The following CAPN2 variants were observed in gnomAD, a reference collection of about 807,000 sequenced individuals.
The protein encoded by CAPN2 is calpain 2, also known as calpain-2 catalytic subunit.
In CAPN2, 92 loss-of-function variants were observed where a neutral mutation model predicts 102.3. The observed-to-expected ratio is 0.90, with a 90% CI of 0.76 to 1.07. The LOEUF (loss-of-function observed/expected upper bound fraction) is 1.07. Ranked by LOEUF, CAPN2 falls within the 50% of genes least tolerant of loss-of-function variation. The pLI is 0.00. For synonymous variants in CAPN2, 340 were observed against 355.4 expected (o/e 0.96, Z 0.49); for missense variants, 800 against 909.4 (o/e 0.88, Z 1.55).
chr1:223,735,547 T>C (rs12239678), intron 2 of CAPN2, among the ~76,000 whole-genome samples: 2,400 of 151,176 alleles, frequency 0.016, 71 homozygotes, highest in African/African-American at 0.055. Flanking sequence ...AAAAAAAAAT[T>C]TGTGGTCTTC....
chr1:223,738,804 G>A (rs1467523929), intron 2 of CAPN2, among the ~76,000 whole-genome samples: 1 of 152,284 alleles, frequency 6.6e-6, no homozygotes, highest in East Asian at 1.9e-4. Context: ...GGGGACAATT[G>A]TCAGATTCTA....
chr1:223,760,732 C>T (rs913884959), intron 12 of CAPN2, among the ~76,000 whole-genome samples: 5 of 152,200 alleles, frequency 3.3e-5, no homozygotes, highest in African/African-American at 1.2e-4. Flanking sequence ...AACCCCTCAA[C>T]TCTCTCTAGG....
chr1:223,708,460 A>G (rs1438606506), upstream of CAPN2, among the ~76,000 whole-genome samples: 1 of 151,436 alleles, frequency 6.6e-6, no homozygotes, highest in Non-Finnish European at 1.5e-5. Flanking sequence ...ATAAAGGGAC[A>G]CTTCAATAGA....
Position 223,737,717 on chromosome 1 carries a change from G to T in CAPN2, c.308-6383G>T, listed in dbSNP as rs994067699. ...CCAAAAGAGACGGGGCGGGGGGTGG[G>T]GGGGAGAGAATACAATAACACCATG... On this transcript the variant is annotated intron_variant, in intron 2 of 20. Coordinates refer to ENST00000295006, the MANE Select transcript of CAPN2 (RefSeq NM_001748.5). Among the ~76,000 whole-genome samples the T allele has an allele frequency of 3.9e-4, 12 of 30,458 alleles. 2 individuals are homozygous for T. Among genetic ancestry groups the T allele is most frequent in the Admixed American group, 1.6e-3 (5 of 3,084 alleles). 20.0% of individuals were successfully genotyped at this position (30,458 alleles called of 152,430 possible). A position where few individuals can be genotyped will look rare whatever the true frequency, so the allele number is the denominator to read the frequency against.
Position 223,726,327 on chromosome 1 carries a change from G to C in CAPN2, c.307+8496G>C, listed in dbSNP as rs1029643250. Reference sequence around the variant, plus strand: ...AAGAGGGTGGGTTTGCCTGCGCCTGGGGGGAGGGCAGCCATCAGGAAGGAG... The same window carrying C: ...AAGAGGGTGGGTTTGCCTGCGCCTGCGGGGAGGGCAGCCATCAGGAAGGAG... On this transcript the variant is annotated intron_variant, in intron 2 of 20. Transcript: ENST00000295006. This position sits in a 1 kb window ranked among gnomAD's most constrained non-coding sequence, Gnocchi z 4.4. Among the ~76,000 whole-genome samples, 3 of 152,146 alleles carry C rather than the reference G, an allele frequency of 2.0e-5. No homozygotes were observed. Among genetic ancestry groups the C allele is most frequent in the African/African-American group, 4.8e-5 (2 of 41,406 alleles).
chr1:223,753,146 CTT>C (rs28370084), intron 9 of CAPN2, among the ~76,000 whole-genome samples, 190 bp downstream of exon 9: 13,704 of 151,056 alleles, frequency 0.091, 1,507 homozygotes, highest in African/African-American at 0.26. Flanking sequence ...CCCGAGCTCT[CTT>C]TCTCAATCCC....
At position 223,775,606 on chromosome 1, in the gene CAPN2, A is replaced by G. The variant is rs1661599236; in HGVS notation, c.*749A>G. The G allele has an allele frequency of 6.6e-6, 1 of 152,666 alleles. No homozygotes were observed. The highest frequency in any genetic ancestry group is 2.4e-5 in the African/African-American group (1 of 41,458). The allele number at this position is 152,666 out of a possible 1,614,324, so 9.5% of individuals were successfully genotyped here. ...GCATCCAATTTGTAAACCAATTATGATAAAGGACAAAATAAGCTGTTTGCC... is the reference window on the plus strand; with the variant it reads ...GCATCCAATTTGTAAACCAATTATGGTAAAGGACAAAATAAGCTGTTTGCC... On this transcript the variant is annotated 3_prime_UTR_variant, in exon 21 of 21. Transcript: ENST00000295006.
chr1:223,752,090 T>C lies in CAPN2; in HGVS notation c.974+19T>C. ...AATTCTGGTAAGATTAGTGGAGGCT[T>C]CAGGGAAAGCTCTGTCTGCCCCAAT... On this transcript the variant is annotated intron_variant, in intron 8 of 20. Coordinates refer to ENST00000295006, the MANE Select transcript of CAPN2 (RefSeq NM_001748.5). 1 of 1,564,420 alleles carries C rather than the reference T, an allele frequency of 6.4e-7. No homozygotes were observed. Among genetic ancestry groups the C allele is most frequent in the Non-Finnish European group, 8.8e-7 (1 of 1,136,614 alleles).
chr1:223,743,585 G>A (rs1660678293), intron 2 of CAPN2, among the ~76,000 whole-genome samples: 1 of 152,102 alleles, frequency 6.6e-6, no homozygotes, highest in Non-Finnish European at 1.5e-5. Context: ...TTGAAATCCT[G>A]GGCTCAAGGG....
At chr1:223,758,022 G>C (rs1661083565) in intron 11 of CAPN2, 1 of 152,174 alleles carries the variant, frequency 6.6e-6, no homozygotes, top group Admixed American at 6.5e-5. Flanking sequence ...CAGGATGCCA[G>C]GCCAATTTTT....
chr1:223,772,212 TG>T lies in CAPN2; in HGVS notation c.2054del (p.Gly685GlufsTer3). 6.2e-7 allele frequency: 1 copy of T among 1,614,186 alleles called. No homozygotes were observed. The highest frequency in any genetic ancestry group is 8.5e-7 in the Non-Finnish European group (1 of 1,180,014). ...TTAAGCAGCTGGATCCCGAGAATAC[TG>T]GAACAATAGAGCTCGACCTTATCTC... ...IFKQLDPENT[G>X]TIELDLISWL... On this transcript the variant is annotated frameshift_variant, in exon 20 of 21. Transcript: ENST00000295006. LOFTEE classifies it high-confidence loss of function.
intron 2 of CAPN2, among the ~76,000 whole-genome samples, chr1:223,728,392 C>G (rs535383401): frequency 2.6e-5 from 4 of 152,234 alleles, no homozygotes; most frequent in Non-Finnish European, 4.4e-5. Context: ...TTGAAGGTAG[C>G]TGAACATCTT....
At chr1:223,736,371 C>A (rs774600782) in intron 2 of CAPN2, among the ~76,000 whole-genome samples, 1 of 152,282 alleles carries the variant, frequency 6.6e-6, no homozygotes, top group South Asian at 2.1e-4. Context: ...TGCCCAGAGA[C>A]AAAAAGATGT....
chr1:223,750,905 A>G lies in CAPN2; in HGVS notation c.829A>G (p.Ser277Gly), dbSNP rs1222692647. Residue 277 changes from serine (S) to glycine (G), a missense_variant, in exon 7 of 21, where the codon AGC becomes GGC. By Grantham distance (56) the Ser-to-Gly change is moderately conservative. Coordinates refer to ENST00000295006, the MANE Select transcript of CAPN2 (RefSeq NM_001748.5). ...TGAEEVESNG[S>G]LQKLIRIRNP... is the part of the protein sequence containing the mutation. Reference sequence around the variant, plus strand: ...AATCCTGCAGGTTGAAAGTAACGGAAGCCTACAGAAACTGATCCGCATCCG... The same window carrying G: ...AATCCTGCAGGTTGAAAGTAACGGAGGCCTACAGAAACTGATCCGCATCCG... 1 of 1,552,198 alleles carries G rather than the reference A, an allele frequency of 6.4e-7. No homozygotes were observed. Among genetic ancestry groups the G allele is most frequent in the South Asian group, 1.2e-5 (1 of 84,076 alleles).
intron 15 of CAPN2, 102 bp from the exon 16 acceptor site, chr1:223,766,265 T>TA (rs1661313229): frequency 1.2e-6 from 1 of 845,636 alleles, no homozygotes; most frequent in South Asian, 1.4e-5. Context: ...GTGGCTTCTG[T>TA]ATGTGAAGGG....
chr1:223,764,338 G>A (rs1162933766), intron 15 of CAPN2, 131 bp downstream of exon 15: 2 of 736,110 alleles, frequency 2.7e-6, no homozygotes, highest in Non-Finnish European at 4.9e-6. Context: ...TCCAAGAAGT[G>A]GATGAAGGAT....
upstream of CAPN2, among the ~76,000 whole-genome samples, chr1:223,708,173 C>T (rs772535817): frequency 6.6e-6 from 1 of 152,166 alleles, no homozygotes; most frequent in Non-Finnish European, 1.5e-5. Context: ...AGAGTGCCAA[C>T]CATTACACAA....
intron 2 of CAPN2, among the ~76,000 whole-genome samples, chr1:223,728,187 C>G (rs1190859282): frequency 1.3e-5 from 2 of 152,122 alleles, no homozygotes; most frequent in African/African-American, 4.8e-5. Flanking sequence ...TTTGTTCTCT[C>G]TCATGGTTCT....
At chr1:223,709,747 C>A (rs1418870000), upstream of CAPN2, among the ~76,000 whole-genome samples, 1 of 151,988 alleles carries the variant, frequency 6.6e-6, no homozygotes, top group Non-Finnish European at 1.5e-5. Context: ...ACCAAAGCAG[C>A]ACAATTTACA....
Sources: gnomAD v4.1 joint callset for allele counts (sites outside exome capture counted in the v4.1 genomes callset) on GRCh38, gnomAD v4.1.1 for gene constraint, Gnocchi (gnomAD v3.1) non-coding constraint, MANE v1.5 for transcripts, NCBI Gene and HGNC (gene_info 2026-07-23, HGNC 2026-07-21) for gene names.